Variants in MTMR4 observed in about 807,000 individuals in gnomAD.
The protein encoded by MTMR4 is myotubularin related protein 4, also known as phosphatidylinositol-3,5-bisphosphate 3-phosphatase MTMR4.
In MTMR4, 30 loss-of-function variants were observed where a neutral mutation model predicts 125.5. The observed-to-expected ratio is 0.24, with a 90% CI of 0.18 to 0.32. The LOEUF (loss-of-function observed/expected upper bound fraction) is 0.32, where lower values mean the gene tolerates loss of function less well. Among genes scored for constraint, MTMR4 ranks in the 10% least tolerant of loss-of-function variants. MTMR4 has a pLI of 1.00. For synonymous variants in MTMR4, 498 were observed against 564.5 expected (o/e 0.88, Z 1.67); for missense variants, 1,039 against 1,511.5 (o/e 0.69, Z 5.18).
At chr17:58,513,834 A>G (rs552932551) in intron 1 of MTMR4, among the ~76,000 whole-genome samples, 2 of 151,602 alleles carry the variant, frequency 1.3e-5, no homozygotes, top group East Asian at 3.9e-4. Context: ...GAGGTACGGA[A>G]CCCTGCAGAG....
At chr17:58,494,400 G>A (rs1172401837) in intron 15 of MTMR4, among the ~76,000 whole-genome samples, 1 of 151,512 alleles carries the variant, frequency 6.6e-6, no homozygotes, top group East Asian at 1.9e-4. Flanking sequence ...ATTGTGCACT[G>A]GCCTAAAATT....
chr17:58,515,397 T>C (rs965177447), upstream of MTMR4, among the ~76,000 whole-genome samples: 1 of 152,202 alleles, frequency 6.6e-6, no homozygotes, highest in Middle Eastern at 3.2e-3. Context: ...CCAAACTTCC[T>C]GCACCTTGTA....
chr17:58,505,614 A>G, intron 9 of MTMR4, 31 bp from the exon 10 acceptor site: 2 of 1,558,770 alleles, frequency 1.3e-6, no homozygotes, highest in Non-Finnish European at 1.8e-6. Flanking sequence ...TGGGACATAA[A>G]AGCACGTCCT....
In MTMR4 at chr17:58,504,799, G is replaced by C; in HGVS notation, c.1321C>G (p.Pro441Ala). ...IVALAKILLD[P>A]YYRTLEGFQV... is the part of the protein sequence containing the mutation. ...AATACCTCCAACGTCCTGTAATATG[G>C]GTCCAGTAATATTTTGGCCAGGGCT... Residue 441 changes from proline (P) to alanine (A), a missense_variant, in exon 11 of 18, where the codon CCA (proline) becomes GCA (alanine). Pro to Ala is a conservative substitution (Grantham distance 27). This residue lies in a region of MTMR4 where 107 missense variants were observed against 267.4 expected (regional missense o/e 0.40). Coordinates refer to ENST00000682306, the MANE Select transcript of MTMR4 (RefSeq NM_001378067.1). This position sits in a 1 kb window ranked among gnomAD's most constrained non-coding sequence, Gnocchi z 7.1. The C allele has an allele frequency of 1.9e-6, 3 of 1,607,898 alleles. No individual in the cohort carries two copies. The highest frequency in any genetic ancestry group is 1.7e-6 in the Non-Finnish European group (2 of 1,176,880).
intron 14 of MTMR4, among the ~76,000 whole-genome samples, chr17:58,498,487 G>GGAA (rs1046907432): frequency 5.9e-5 from 8 of 135,424 alleles, no homozygotes; most frequent in East Asian, 4.7e-4. Context: ...TGACTTTAAT[G>GGAA]GAAGAAGAAG....
At chr17:58,500,886 C>T (rs1004528700) in intron 14 of MTMR4, among the ~76,000 whole-genome samples, 6 of 151,720 alleles carry the variant, frequency 4.0e-5, no homozygotes, top group East Asian at 1.9e-4. Flanking sequence ...TACAGTAATA[C>T]GCAACTTGTA....
intron 14 of MTMR4, 132 bp downstream of exon 14, chr17:58,503,612 G>T: frequency 8.8e-7 from 1 of 1,139,030 alleles, no homozygotes; most frequent in Non-Finnish European, 1.2e-6. Context: ...TTGCACCACT[G>T]GCACTCCACC....
At chr17:58,509,970 A>C (rs944426335) in intron 4 of MTMR4, among the ~76,000 whole-genome samples, 1 of 151,998 alleles carries the variant, frequency 6.6e-6, no homozygotes, top group Non-Finnish European at 1.5e-5. Context: ...TTCAAAATAC[A>C]CCCAGAATCT....
intron 14 of MTMR4, among the ~76,000 whole-genome samples, chr17:58,503,014 G>A (rs1017421187): frequency 6.6e-6 from 1 of 152,048 alleles, no homozygotes; most frequent in Admixed American, 6.6e-5. Context: ...GTAATATAAG[G>A]CCATCCTCCT....
upstream of MTMR4, among the ~76,000 whole-genome samples, chr17:58,518,152 C>T (rs941750786): frequency 2.0e-5 from 3 of 152,226 alleles, no homozygotes; most frequent in South Asian, 2.1e-4. Flanking sequence ...CACAGCGCGT[C>T]CTTGCGGCAG....
upstream of MTMR4, chr17:58,516,492 A>G: frequency 7.0e-7 from 1 of 1,419,870 alleles, no homozygotes; most frequent in Non-Finnish European, 1.0e-6. Context: ...CCTGGAGCTC[A>G]AGGTCTAGGA....
chr17:58,491,633 G>C lies in MTMR4; in HGVS notation c.*30C>G. 1 of 1,602,378 alleles carries C rather than the reference G, an allele frequency of 6.2e-7. No homozygotes were observed. The highest frequency in any genetic ancestry group is 8.5e-7 in the Non-Finnish European group (1 of 1,171,538). ...TGAAGAAGATCCTCCCTTCAAACCT[G>C]CTAAAATTGGACAGGTTTCTCCCCG... On this transcript the variant is annotated 3_prime_UTR_variant, in exon 18 of 18. Coordinates refer to ENST00000682306, the MANE Select transcript of MTMR4 (RefSeq NM_001378067.1).
In MTMR4 at chr17:58,492,737, A is replaced by G. The variant is rs1975346402; in HGVS notation, c.3363+105T>C. On this transcript the variant is annotated intron_variant, in intron 16 of 17. Coordinates refer to ENST00000682306, the MANE Select transcript of MTMR4 (RefSeq NM_001378067.1). Reference sequence around the variant, plus strand: ...GCTACCATTTGCCTACCAGGCTGACACTCCTCTGGGGGACAGCTCAGTCTA... The same window carrying G: ...GCTACCATTTGCCTACCAGGCTGACGCTCCTCTGGGGGACAGCTCAGTCTA... The G allele has an allele frequency of 3.7e-6, 5 of 1,339,080 alleles. No homozygotes were observed. In the Admixed American group the frequency reaches 8.7e-5, roughly 23 times the overall value. The allele number at this position is 1,339,080 out of a possible 1,614,324, so 82.9% of individuals were successfully genotyped here. A position where few individuals can be genotyped will look rare whatever the true frequency, so the allele number is the denominator to read the frequency against.
intron 14 of MTMR4, among the ~76,000 whole-genome samples, chr17:58,496,773 C>T (rs1005183703): frequency 2.0e-4 from 31 of 152,176 alleles, no homozygotes; most frequent in Non-Finnish European, 4.0e-4. Context: ...TTGGCTCTGA[C>T]GCTAATTAGC....
chr17:58,503,618 C>G, intron 14 of MTMR4, 126 bp downstream of exon 14: 1 of 1,237,576 alleles, frequency 8.1e-7, no homozygotes, highest in East Asian at 2.5e-5. Context: ...CACTGGCACT[C>G]CACCCTGGGC....
chr17:58,506,989 G>A, intron 8 of MTMR4, 118 bp from the exon 9 acceptor site: 1 of 1,548,198 alleles, frequency 6.5e-7, no homozygotes, highest in Non-Finnish European at 8.8e-7. Flanking sequence ...ATACCCCACA[G>A]CTTCTGACAA....
At position 58,495,359 on chromosome 17, in the gene MTMR4, A is replaced by G; in HGVS notation, c.2825T>C (p.Leu942Pro). The change falls in exon 15 of 18, where the codon CTT becomes CCT. Residue 942 changes from leucine to proline, a missense_variant. Physicochemically the swap from Leu to Pro is moderately conservative, Grantham distance 98 (BLOSUM62 -3). This residue lies in a region of MTMR4 where 619 missense variants were observed against 714.5 expected (regional missense o/e 0.87). Transcript: ENST00000682306. ...CCTCTTGCTACAACAGCCATAGGAA[A>G]GCAGCCGCCGAGGGGTGGCCTCCCC... is the stretch of plus-strand genomic sequence containing the variant. ...PSGEATPRRL[L>P]SYGCCSKRPN... 1 of 1,614,238 alleles carries G rather than the reference A, an allele frequency of 6.2e-7. No individual in the cohort carries two copies. The highest frequency in any genetic ancestry group is 8.5e-7 in the Non-Finnish European group (1 of 1,180,046).
chr17:58,517,467 C>G (rs1242148181), upstream of MTMR4, among the ~76,000 whole-genome samples: 1 of 152,252 alleles, frequency 6.6e-6, no homozygotes, highest in Non-Finnish European at 1.5e-5. Context: ...GTATCCTCTT[C>G]CCTAGGCCAT....
intron 9 of MTMR4, among the ~76,000 whole-genome samples, 167 bp downstream of exon 9, chr17:58,506,576 T>G (rs1975783516): frequency 6.6e-6 from 1 of 152,196 alleles, no homozygotes; most frequent in Non-Finnish European, 1.5e-5. Flanking sequence ...CTTGGACAGA[T>G]TAAGCAACTT....
Sources: allele counts gnomAD v4.1 joint callset (sites outside exome capture counted in the v4.1 genomes callset), GRCh38; gene constraint gnomAD v4.1.1; regional missense constraint gnomAD v4.1.1; non-coding constraint Gnocchi (gnomAD v3.1); transcripts MANE v1.5; gene names NCBI Gene and HGNC (gene_info 2026-07-23, HGNC 2026-07-21).